The following FBXL20 variants were observed in gnomAD, a reference collection of about 807,000 sequenced individuals.
FBXL20 encodes F-box and leucine rich repeat protein 20, also known as F-box/LRR-repeat protein 20.
Under a neutral mutation model 64.0 loss-of-function variants are expected in FBXL20, and 11 were observed. That is an observed-to-expected ratio of 0.17 (90% CI 0.11 to 0.28). The LOEUF (loss-of-function observed/expected upper bound fraction) is 0.28, where lower values mean the gene tolerates loss of function less well. Ranked by LOEUF, FBXL20 falls within the 10% of genes least tolerant of loss-of-function variation. The pLI, the probability that FBXL20 is intolerant of heterozygous loss-of-function variation, is 1.00. For synonymous variants in FBXL20, 184 were observed against 189.0 expected (o/e 0.97, Z 0.22); for missense variants, 303 against 526.2 (o/e 0.58, Z 4.15).
intron 1 of FBXL20, among the ~76,000 whole-genome samples, chr17:39,370,922 T>A (rs917195496): frequency 2.6e-5 from 4 of 151,880 alleles, no homozygotes; most frequent in African/African-American, 9.7e-5. Context: ...AACAGCTGTA[T>A]AAAGAGTTTT....
At chr17:39,270,666 C>T in intron 11 of FBXL20, 130 bp downstream of exon 11, 1 of 691,646 alleles carries the variant, frequency 1.4e-6, no homozygotes, top group Non-Finnish European at 2.4e-6. Context: ...GTAGCTATAG[C>T]ATGAAACCCC....
Position 39,256,321 on chromosome 17 carries a change from A to C in FBXL20, c.*5139T>G, listed in dbSNP as rs1204567892. 1.2e-4 allele frequency: 1 copy of C among 8,580 alleles called. No homozygotes were observed. The highest frequency in any genetic ancestry group is 4.0e-4 in the Non-Finnish European group (1 of 2,482). 0.5% of individuals were successfully genotyped at this position (8,580 alleles called of 1,614,324 possible). Reference sequence around the variant, plus strand: ...GGGTGACAGAGCGAGACTCCATGTCAAAAAAAAAAAAAAAAAAAAGAAATA... The same window carrying C: ...GGGTGACAGAGCGAGACTCCATGTCCAAAAAAAAAAAAAAAAAAAGAAATA... On this transcript the variant is annotated 3_prime_UTR_variant, in exon 15 of 15. Transcript: ENST00000264658.
chr17:39,369,156 G>C (rs918171667), intron 1 of FBXL20, among the ~76,000 whole-genome samples: 2 of 151,528 alleles, frequency 1.3e-5, no homozygotes, highest in African/African-American at 4.9e-5. Flanking sequence ...TAGAAGTACT[G>C]GATAAAAATC....
chr17:39,267,328 T>A (rs950974215), intron 12 of FBXL20, among the ~76,000 whole-genome samples: 3 of 152,034 alleles, frequency 2.0e-5, no homozygotes, highest in Admixed American at 1.3e-4. Context: ...GTCTGAGCGA[T>A]AACAGCAAGA....
intron 1 of FBXL20, among the ~76,000 whole-genome samples, chr17:39,371,185 T>A (rs185870867): frequency 6.6e-6 from 1 of 152,102 alleles, no homozygotes; most frequent in Non-Finnish European, 1.5e-5. Flanking sequence ...GCCTGGGCAA[T>A]GAGGGCGAAA....
intron 1 of FBXL20, among the ~76,000 whole-genome samples, chr17:39,351,181 A>G (rs1162836404): frequency 6.6e-6 from 1 of 151,904 alleles, no homozygotes; most frequent in Non-Finnish European, 1.5e-5. Flanking sequence ...CTAAAAATAC[A>G]AAAAATTAGC....
At chr17:39,393,684 T>C (rs1029967983) in intron 1 of FBXL20, among the ~76,000 whole-genome samples, 1 of 152,154 alleles carries the variant, frequency 6.6e-6, no homozygotes, top group Non-Finnish European at 1.5e-5. Flanking sequence ...TAAAATCAGT[T>C]TGAAGATACA....
intron 1 of FBXL20, among the ~76,000 whole-genome samples, chr17:39,393,454 A>G (rs1160058152): frequency 6.6e-6 from 1 of 152,118 alleles, no homozygotes; most frequent in African/African-American, 2.4e-5. Flanking sequence ...GATTTTATAT[A>G]TTTATTGCCA....
At chr17:39,308,219 C>T (rs2047200423) in intron 2 of FBXL20, among the ~76,000 whole-genome samples, 1 of 151,430 alleles carries the variant, frequency 6.6e-6, no homozygotes, top group South Asian at 2.1e-4. Flanking sequence ...CTCAGGTGAT[C>T]TACCCACCTT....
At chr17:39,285,868 G>A (rs1312167733) in intron 6 of FBXL20, among the ~76,000 whole-genome samples, 5 of 152,192 alleles carry the variant, frequency 3.3e-5, no homozygotes, top group African/African-American at 1.2e-4. Flanking sequence ...ATGTGAGTTC[G>A]AAGAGATCTA....
At chr17:39,294,278 T>C (rs1052891103) in intron 6 of FBXL20, among the ~76,000 whole-genome samples, 3 of 151,730 alleles carry the variant, frequency 2.0e-5, no homozygotes, top group African/African-American at 7.3e-5. Context: ...CCTGGCTGCT[T>C]CTTTATTATT....
chr17:39,305,998 C>G (rs1275919850), intron 2 of FBXL20, among the ~76,000 whole-genome samples: 3 of 150,684 alleles, frequency 2.0e-5, no homozygotes, highest in Non-Finnish European at 4.4e-5. Flanking sequence ...AAAAAACAAA[C>G]AAACAAAAAA....
chr17:39,316,685 A>G (rs1312484842), intron 2 of FBXL20, among the ~76,000 whole-genome samples: 2 of 152,234 alleles, frequency 1.3e-5, no homozygotes, highest in Non-Finnish European at 2.9e-5. Context: ...AATAAACTGA[A>G]GTTTAAGAAG....
intron 1 of FBXL20, among the ~76,000 whole-genome samples, chr17:39,385,947 T>C (rs553035118): frequency 6.6e-6 from 1 of 150,822 alleles, no homozygotes; most frequent in Admixed American, 6.6e-5. Context: ...GGAGAATCAC[T>C]TGAACCCGGG....
At chr17:39,341,225 T>C (rs968683302) in intron 2 of FBXL20, among the ~76,000 whole-genome samples, 1 of 152,154 alleles carries the variant, frequency 6.6e-6, no homozygotes, top group Admixed American at 6.6e-5. Context: ...AAGTTCAGAA[T>C]TGGTTGTTTG....
intron 1 of FBXL20, among the ~76,000 whole-genome samples, chr17:39,345,422 T>C (rs1376400239): frequency 6.6e-6 from 1 of 151,886 alleles, no homozygotes; most frequent in African/African-American, 2.4e-5. Flanking sequence ...AATAATGGAG[T>C]CATACATGAA....
At chr17:39,397,032 G>C (rs553072747) in intron 1 of FBXL20, among the ~76,000 whole-genome samples, 4 of 151,990 alleles carry the variant, frequency 2.6e-5, no homozygotes, top group African/African-American at 9.6e-5. Flanking sequence ...TGCATTTTAA[G>C]ATTTTTGTTA....
Position 39,383,721 on chromosome 17 carries a change from C to T in FBXL20, c.42+17640G>A, listed in dbSNP as rs531980622. 2.6e-5 allele frequency among the ~76,000 whole-genome samples: 4 copies of T among 151,394 alleles called. No individual in the cohort carries two copies. The South Asian group carries it at 8.4e-4, about 32-fold the overall frequency. ...TCTCCTGTCTCAGCCTCCCAAGTAG[C>T]TGGGATTACAGGCGCATGTCACCAT... On this transcript the variant is annotated intron_variant, in intron 1 of 14. Transcript: ENST00000264658.
chr17:39,274,878 C>T (rs1317099471), intron 10 of FBXL20, 92 bp downstream of exon 10: 2 of 1,544,638 alleles, frequency 1.3e-6, no homozygotes, highest in African/African-American at 1.4e-5. Context: ...GTCTGCAGTG[C>T]CTACCTTAAA....
Sources: allele counts gnomAD v4.1 joint callset (sites outside exome capture counted in the v4.1 genomes callset), GRCh38; gene constraint gnomAD v4.1.1; transcripts MANE v1.5; gene names NCBI Gene and HGNC (gene_info 2026-07-23, HGNC 2026-07-21).